Variants in LCOR observed in about 807,000 individuals in gnomAD.
The protein encoded by LCOR is ligand-dependent corepressor.
In LCOR, 14 loss-of-function variants were observed where a neutral mutation model predicts 64.4. The ratio of observed to expected loss-of-function variants is 0.22; its 90% CI spans 0.14 to 0.34. LCOR has a LOEUF of 0.34. LCOR is among the 10% of genes least tolerant of loss of function. The probability of loss-of-function intolerance (pLI) is 1.00; values close to 1 mark genes in which losing one functional copy is unlikely to be tolerated. For missense variants in LCOR, 1,686 were observed against 1,765.3 expected, an observed-to-expected ratio of 0.96 and a Z score of 0.80; for synonymous variants, 643 against 642.5, an observed-to-expected ratio of 1.00 and a Z score of -0.01.
rs754585206 is a variant in LCOR, at chr10:96,981,450, T to C, written c.990T>C (p.Ser330=). ...CAGTAAAAATGGCAGCTGAGAATAGTGAGGAAGGCAATACCTGTATTATTC... is the reference window on the plus strand; with the variant it reads ...CAGTAAAAATGGCAGCTGAGAATAGCGAGGAAGGCAATACCTGTATTATTC... ...LITVKMAAEN[S]EEGNTCIIPQ... The change falls in exon 8 of 8, where the codon AGT becomes AGC. Residue 330 remains serine, a synonymous_variant. Transcript: ENST00000421806. The C allele has an allele frequency of 1.2e-6, 2 of 1,614,090 alleles. No homozygotes were observed. Among genetic ancestry groups the C allele is most frequent in the Non-Finnish European group, 8.5e-7 (1 of 1,180,028 alleles).
Position 96,980,867 on chromosome 10 carries a change from A to G in LCOR, c.407A>G (p.Lys136Arg). ...SKSPLEKFMV[K>R]LCTHHQKQFI... ...TCCCCACTGGAGAAATTTATGGTCAAACTGTGTACTCATCATCAAAAGCAA... is the reference window on the plus strand; with the variant it reads ...TCCCCACTGGAGAAATTTATGGTCAGACTGTGTACTCATCATCAAAAGCAA... Residue 136 changes from lysine (K) to arginine (R), a missense_variant, in exon 8 of 8, where the codon AAA becomes AGA. Coordinates refer to ENST00000421806, the MANE Select transcript of LCOR (RefSeq NM_001346516.2). The G allele has an allele frequency of 4.3e-6, 3 of 703,014 alleles. No homozygotes were observed. Among genetic ancestry groups the G allele is most frequent in the Non-Finnish European group, 2.6e-6 (1 of 384,998 alleles). 43.5% of individuals were successfully genotyped at this position (703,014 alleles called of 1,614,324 possible).
chr10:96,920,506 G>GTATATTCATATGTGTATA (rs1564626122), intron 4 of LCOR, among the ~76,000 whole-genome samples: 1 of 75,120 alleles, frequency 1.3e-5, no homozygotes, highest in African/African-American at 6.4e-5. Context: ...GTGTATATAT[G>GTATATTCATATGTGTATA]TATGTATATT....
chr10:96,884,500 C>A (rs1324578525), intron 2 of LCOR, among the ~76,000 whole-genome samples: 1 of 152,174 alleles, frequency 6.6e-6, no homozygotes, highest in Non-Finnish European at 1.5e-5. Context: ...GGATATCCCC[C>A]CTCCCCAGTC....
chr10:96,966,814 C>T (rs1157014307), intron 7 of LCOR, among the ~76,000 whole-genome samples: 1 of 152,226 alleles, frequency 6.6e-6, no homozygotes, highest in Non-Finnish European at 1.5e-5. Context: ...CGGTTCACTG[C>T]AGCCTCGACC....
At chr10:96,918,407 A>AT (rs562329516) in intron 4 of LCOR, among the ~76,000 whole-genome samples, 2 of 152,184 alleles carry the variant, frequency 1.3e-5, no homozygotes, top group Non-Finnish European at 2.9e-5. Flanking sequence ...GGGACAGACT[A>AT]TAAGTCTGAC....
chr10:96,888,773 C>T (rs1846389703), intron 2 of LCOR, among the ~76,000 whole-genome samples: 1 of 152,138 alleles, frequency 6.6e-6, no homozygotes. Flanking sequence ...AACTAAGAAA[C>T]AGAATAGTTT....
At chr10:96,887,140 G>A (rs558362143) in intron 2 of LCOR, among the ~76,000 whole-genome samples, 7 of 152,268 alleles carry the variant, frequency 4.6e-5, no homozygotes, top group Admixed American at 6.5e-5. Flanking sequence ...GAGTGATGAT[G>A]GGTAAAATTG....
At chr10:96,953,550 CCAAAA>C (rs113122469) in intron 7 of LCOR, among the ~76,000 whole-genome samples, 8 of 151,334 alleles carry the variant, frequency 5.3e-5, no homozygotes, top group South Asian at 2.1e-4. Context: ...GACCTTGTCT[CCAAAA>C]CAAAACAAAA....
intron 4 of LCOR, among the ~76,000 whole-genome samples, chr10:96,937,789 A>C (rs1847376803): frequency 6.6e-6 from 1 of 152,230 alleles, no homozygotes. Flanking sequence ...CAAAGATATC[A>C]CAAGAAAACT....
At chr10:96,935,350 T>C (rs1448829759) in intron 4 of LCOR, among the ~76,000 whole-genome samples, 1 of 152,018 alleles carries the variant, frequency 6.6e-6, no homozygotes, top group Non-Finnish European at 1.5e-5. Context: ...GGTTTCACCA[T>C]GTTAGCCAGG....
intron 4 of LCOR, among the ~76,000 whole-genome samples, chr10:96,933,610 C>G (rs1812295973): frequency 6.6e-6 from 1 of 152,148 alleles, no homozygotes; most frequent in South Asian, 2.1e-4. Context: ...ACCTCCGTCT[C>G]CTGGGTCCAA....
rs769998597 is a variant in LCOR, at chr10:96,984,664, A to G, written c.4204A>G (p.Thr1402Ala). 2.0e-5 allele frequency: 33 copies of G among 1,614,176 alleles called. No individual in the cohort carries two copies. In the East Asian group the frequency reaches 7.4e-4, roughly 36 times the overall value. ...KAEVQSKRKR[T>A]EGSSPPDSKN... ...AGAAGTTCAGAGTAAACGCAAGAGA[A>G]CAGAAGGCAGCAGCCCTCCAGATAG... The change falls in exon 8 of 8, where the codon ACA (threonine) becomes GCA (alanine). Residue 1402 changes from threonine (T) to alanine (A), a missense_variant. Transcript: ENST00000421806.
intron 2 of LCOR, among the ~76,000 whole-genome samples, chr10:96,878,508 T>C (rs997473767): frequency 6.6e-6 from 1 of 152,174 alleles, no homozygotes; most frequent in Non-Finnish European, 1.5e-5. Context: ...GACTCTAAAG[T>C]TTTTGGTTTA....
chr10:96,835,434 C>G (rs1845426258), intron 2 of LCOR, among the ~76,000 whole-genome samples: 1 of 152,156 alleles, frequency 6.6e-6, no homozygotes, highest in South Asian at 2.1e-4. Context: ...TTCATAGTCT[C>G]TCAACTAAAA....
rs554469892 is a variant in LCOR, at chr10:96,972,684, T to C, written c.333-8109T>C. 2.6e-5 allele frequency among the ~76,000 whole-genome samples: 4 copies of C among 151,160 alleles called. No individual in the cohort carries two copies. In the East Asian group the frequency reaches 5.9e-4, roughly 22 times the overall value. On this transcript the variant is annotated intron_variant, in intron 7 of 7. Transcript: ENST00000421806. The stretch of plus-strand genomic sequence containing the variant: ...ATACAATATATAAGCCTTAAAGTGC[T>C]TCTGTGATATTTAGGAGATCTACTC...
intron 4 of LCOR, among the ~76,000 whole-genome samples, chr10:96,920,442 G>GTATATATATTCATATA (rs771680816): frequency 2.2e-4 from 1 of 4,478 alleles, no homozygotes; most frequent in Non-Finnish European, 6.6e-4. Context: ...GTGTATATAT[G>GTATATATATTCATATA]TGTATATATA....
At chr10:96,918,517 T>C (rs1311257250) in intron 4 of LCOR, among the ~76,000 whole-genome samples, 1 of 152,138 alleles carries the variant, frequency 6.6e-6, no homozygotes, top group African/African-American at 2.4e-5. Context: ...AACAGCACCA[T>C]AGAAGAATAG....
chr10:96,954,942 C>A, intron 7 of LCOR: 1 of 1,610,142 alleles, frequency 6.2e-7, no homozygotes, highest in Non-Finnish European at 8.5e-7. Context: ...AGTTTCCTTC[C>A]ATCCAATTAG....
At chr10:96,890,487 A>G (rs150625911) in intron 2 of LCOR, among the ~76,000 whole-genome samples, 75 of 152,300 alleles carry the variant, frequency 4.9e-4, no homozygotes, top group East Asian at 2.9e-3. Flanking sequence ...AATTATGTAT[A>G]TATAAAATCA....
Sources: gnomAD v4.1 joint callset for allele counts (sites outside exome capture counted in the v4.1 genomes callset) on GRCh38, gnomAD v4.1.1 for gene constraint, MANE v1.5 for transcripts, NCBI Gene and HGNC (gene_info 2026-07-23, HGNC 2026-07-21) for gene names.